ACAP2: variants seen among roughly 807,000 people sequenced by gnomAD.
ACAP2 encodes ArfGAP with coiled-coil, ankyrin repeat and PH domains 2.
Under a neutral mutation model 115.8 loss-of-function variants are expected in ACAP2, and 39 were observed. The ratio of observed to expected loss-of-function variants is 0.34; its 90% CI spans 0.26 to 0.44. The LOEUF is 0.44. Among genes scored for constraint, ACAP2 ranks in the 20% least tolerant of loss-of-function variants. The pLI, the probability that ACAP2 is intolerant of heterozygous loss-of-function variation, is 1.00. For synonymous variants in ACAP2, 289 were observed against 315.8 expected, an observed-to-expected ratio of 0.92 and a Z score of 0.90; for missense variants, 662 against 927.6, an observed-to-expected ratio of 0.71 and a Z score of 3.72.
rs1436236639 is a variant in ACAP2 at position 195,289,655 on chromosome 3, AC to A, written c.2064-425del. 3.7e-4 allele frequency among the ~76,000 whole-genome samples: 56 copies of A among 151,712 alleles called. No individual in the cohort carries two copies. The Middle Eastern group carries it at 0.017, about 46-fold the overall frequency. On this transcript the variant is annotated intron_variant, in intron 20 of 22. Transcript: ENST00000326793. ...CTCTACTAAAATTAAAAAAAAAAAA[AC>A]ATAGCCGGGTGTGGTGGCGGACGCC...
chr3:195,276,530 T>G lies in ACAP2; in HGVS notation c.*2798A>C, dbSNP rs1041817834. 5.9e-5 allele frequency: 9 copies of G among 152,334 alleles called. No individual in the cohort carries two copies. Among genetic ancestry groups the G allele is most frequent in the African/African-American group, 2.2e-4 (9 of 41,578 alleles). The allele number at this position is 152,334 out of a possible 1,614,324, so 9.4% of individuals were successfully genotyped here. A position where few individuals can be genotyped will look rare whatever the true frequency, so the allele number is the denominator to read the frequency against. On this transcript the variant is annotated 3_prime_UTR_variant, in exon 23 of 23. Coordinates refer to ENST00000326793, the MANE Select transcript of ACAP2 (RefSeq NM_012287.6). The stretch of plus-strand genomic sequence containing the variant: ...TCTTATTTTGATATTAATCTAACTT[T>G]CAAGTTAGTAAGCTAATGATAATGA...
At chr3:195,390,058 T>G (rs752875162) in intron 2 of ACAP2, among the ~76,000 whole-genome samples, 2 of 152,134 alleles carry the variant, frequency 1.3e-5, no homozygotes, top group Admixed American at 1.3e-4. Flanking sequence ...TAGCCAGGCA[T>G]AGTGGCGTGA....
intron 4 of ACAP2, among the ~76,000 whole-genome samples, chr3:195,352,859 T>C (rs890832792): frequency 3.3e-5 from 5 of 151,994 alleles, no homozygotes; most frequent in African/African-American, 9.7e-5. Flanking sequence ...GGCGGGCAGA[T>C]CACTTGAGGT....
chr3:195,429,274 G>C (rs1346519902), intron 1 of ACAP2, among the ~76,000 whole-genome samples: 1 of 150,850 alleles, frequency 6.6e-6, no homozygotes, highest in Non-Finnish European at 1.5e-5. Flanking sequence ...TGTAATCCCA[G>C]TTATCCAGGA....
chr3:195,296,202 G>A (rs1727646887), intron 16 of ACAP2, among the ~76,000 whole-genome samples: 1 of 150,844 alleles, frequency 6.6e-6, no homozygotes. Context: ...TTTTTGCAGA[G>A]TAGAAAACAT....
rs556270438 is a variant in ACAP2 at position 195,293,108 on chromosome 3, GC to G, written c.1766-657del. ...ATAAAGACAATCACTGATATGCCAGGCCTTTCTGTTCTTGCCAGTATCCAAG... is the reference window on the plus strand; with the variant it reads ...ATAAAGACAATCACTGATATGCCAGGCTTTCTGTTCTTGCCAGTATCCAAG... On this transcript the variant is annotated intron_variant, in intron 18 of 22. Coordinates refer to ENST00000326793, the MANE Select transcript of ACAP2 (RefSeq NM_012287.6). Among the ~76,000 whole-genome samples the G allele has an allele frequency of 1.4e-3, 209 of 152,144 alleles. 1 individual carries two copies. Among genetic ancestry groups the G allele is most frequent in the African/African-American group, 4.7e-3 (194 of 41,496 alleles).
intron 1 of ACAP2, among the ~76,000 whole-genome samples, chr3:195,412,053 A>C (rs1713309403): frequency 6.6e-6 from 1 of 150,494 alleles, no homozygotes; most frequent in African/African-American, 2.4e-5. Flanking sequence ...GGCTGGGTGC[A>C]GTGGCTCATG....
At chr3:195,311,711 A>G (rs1043158921) in intron 10 of ACAP2, among the ~76,000 whole-genome samples, 3 of 151,598 alleles carry the variant, frequency 2.0e-5, no homozygotes, top group African/African-American at 7.3e-5. Flanking sequence ...TAATTTTTGT[A>G]TTTTTAGTAG....
intron 4 of ACAP2, among the ~76,000 whole-genome samples, chr3:195,364,438 G>A (rs1732577796): frequency 1.3e-5 from 2 of 152,052 alleles, no homozygotes; most frequent in African/African-American, 2.4e-5. Context: ...GGGTGCAGGG[G>A]CTCATGCCTG....
intron 1 of ACAP2, among the ~76,000 whole-genome samples, chr3:195,408,339 C>A (rs1712964641): frequency 1.3e-5 from 2 of 152,216 alleles, no homozygotes; most frequent in South Asian, 4.2e-4. Flanking sequence ...TGGCTCACAC[C>A]TGTAGTCACA....
chr3:195,413,991 A>G (rs1196002591), intron 1 of ACAP2, among the ~76,000 whole-genome samples: 2 of 152,104 alleles, frequency 1.3e-5, no homozygotes, highest in African/African-American at 4.8e-5. Flanking sequence ...AAAAGAAAAA[A>G]AAAGAAAGAA....
chr3:195,430,112 C>G (rs528932964), intron 1 of ACAP2, among the ~76,000 whole-genome samples: 2 of 152,200 alleles, frequency 1.3e-5, no homozygotes, highest in East Asian at 3.9e-4. Context: ...TGGATGACTG[C>G]CTAATGTTCT....
chr3:195,352,880 A>T (rs911873340), intron 4 of ACAP2, among the ~76,000 whole-genome samples: 2 of 152,088 alleles, frequency 1.3e-5, no homozygotes, highest in Non-Finnish European at 2.9e-5. Flanking sequence ...CAGGAGTTCC[A>T]GACCAGCCTG....
chr3:195,320,494 CCTTG>C (rs1729377911), intron 10 of ACAP2, among the ~76,000 whole-genome samples: 1 of 151,374 alleles, frequency 6.6e-6, no homozygotes. Flanking sequence ...CTTATTTAAT[CCTTG>C]CTTATTTTTA....
chr3:195,327,025 T>G, intron 8 of ACAP2, 66 bp from the exon 9 acceptor site: 1 of 1,318,186 alleles, frequency 7.6e-7, no homozygotes, highest in Admixed American at 2.1e-5. Context: ...TCAAACCATA[T>G]TCCAAATCAT....
At chr3:195,318,924 C>T (rs539670092) in intron 10 of ACAP2, among the ~76,000 whole-genome samples, 2 of 152,160 alleles carry the variant, frequency 1.3e-5, no homozygotes, top group East Asian at 3.9e-4. Flanking sequence ...TGAGGCAGCC[C>T]CTCCCATGAC....
intron 13 of ACAP2, among the ~76,000 whole-genome samples, chr3:195,303,904 G>C (rs1276574796): frequency 6.6e-6 from 1 of 152,152 alleles, no homozygotes; most frequent in African/African-American, 2.4e-5. Context: ...GCTCATGCCT[G>C]TAATCTCAGC....
chr3:195,289,082 C>T (rs911799219), intron 21 of ACAP2, 39 bp downstream of exon 21: 4 of 1,517,652 alleles, frequency 2.6e-6, no homozygotes, highest in Non-Finnish European at 3.6e-6. Flanking sequence ...AACTGTAATT[C>T]ACTGTATGGA....
chr3:195,354,229 T>C lies in ACAP2; in HGVS notation c.286-8912A>G. Reference sequence around the variant, plus strand: ...AGTGTATATGTACGTATGCATTTTCTTTATCCAGTCTACCACTGATGGGCA... The same window carrying C: ...AGTGTATATGTACGTATGCATTTTCCTTATCCAGTCTACCACTGATGGGCA... On this transcript the variant is annotated intron_variant, in intron 4 of 22. Transcript: ENST00000326793. Among the ~76,000 whole-genome samples the C allele has an allele frequency of 1.3e-5, 2 of 152,248 alleles. 1 individual carries two copies. The highest frequency in any genetic ancestry group is 3.8e-4 in the East Asian group (2 of 5,196).
Sources: gnomAD v4.1 joint callset for allele counts (sites outside exome capture counted in the v4.1 genomes callset) on GRCh38, gnomAD v4.1.1 for gene constraint, MANE v1.5 for transcripts, NCBI Gene and HGNC (gene_info 2026-07-23, HGNC 2026-07-21) for gene names.